EYS: variants seen among roughly 807,000 people sequenced by gnomAD.
EYS encodes the protein EGF-like photoreceptor maintenance factor, also known as protein eyes shut homolog.
A neutral mutation model predicts 282.1 loss-of-function variants in EYS; 250 were observed. That is an observed-to-expected ratio of 0.89 (90% confidence interval 0.80 to 0.98). The LOEUF is 0.98. Ranked by LOEUF, EYS falls within the 50% of genes least tolerant of loss-of-function variation. The pLI is 0.00. For missense variants in EYS, 4,016 were observed against 3,709.0 expected, an observed-to-expected ratio of 1.08 and a Z score of -2.15; for synonymous variants, 1,355 against 1,282.9, an observed-to-expected ratio of 1.06 and a Z score of -1.20.
intron 19 of EYS, among the ~76,000 whole-genome samples, chr6:64,846,227 T>C (rs1765708902): frequency 6.6e-6 from 1 of 152,142 alleles, no homozygotes; most frequent in Admixed American, 6.6e-5. Context: ...AATAATTATG[T>C]CAAGCCTTTC....
chr6:64,181,868 C>T (rs759295782), intron 31 of EYS, among the ~76,000 whole-genome samples: 2 of 151,830 alleles, frequency 1.3e-5, no homozygotes, highest in Non-Finnish European at 2.9e-5. Flanking sequence ...CATTTTTGTT[C>T]GAAATATTAT....
chr6:64,075,324 A>G (rs534183172), intron 32 of EYS, among the ~76,000 whole-genome samples: 45 of 152,084 alleles, frequency 3.0e-4, no homozygotes, highest in African/African-American at 1.0e-3. Flanking sequence ...GGAGAACTGA[A>G]GGATCATGGC....
intron 5 of EYS, among the ~76,000 whole-genome samples, chr6:65,420,779 G>C (rs1405304752): frequency 6.6e-6 from 1 of 151,884 alleles, no homozygotes; most frequent in Non-Finnish European, 1.5e-5. Context: ...CATGTTAGCA[G>C]TTATGAAAAC....
At chr6:64,926,214 C>A (rs1290104559) in intron 15 of EYS, among the ~76,000 whole-genome samples, 1 of 152,162 alleles carries the variant, frequency 6.6e-6, no homozygotes, top group Non-Finnish European at 1.5e-5. Flanking sequence ...AAGTACTGTG[C>A]CTGTGGCTGG....
Position 63,721,326 on chromosome 6 carries a change from A to G in EYS, c.8705T>C (p.Leu2902Ser). Residue 2902 changes from leucine (L) to serine (S), a missense_variant, in exon 43 of 43, where the codon TTG (leucine) becomes TCG (serine). Coordinates refer to ENST00000503581, the MANE Select transcript of EYS (RefSeq NM_001142800.2). ...VNGTTFSCRC[L>S]PDWAGNTCNQ... is the part of the protein sequence containing the mutation. The stretch of plus-strand genomic sequence containing the variant: ...ACATGTATTTCCAGCCCAATCTGGC[A>G]AACATCTGCAAGAAAAAGTTGTGCC... The G allele has an allele frequency of 6.4e-7, 1 of 1,552,022 alleles. No homozygotes were observed. Among genetic ancestry groups the G allele is most frequent in the Non-Finnish European group, 8.7e-7 (1 of 1,147,008 alleles).
intron 24 of EYS, among the ~76,000 whole-genome samples, chr6:64,600,953 T>C (rs186868864): frequency 1.3e-5 from 2 of 152,232 alleles, no homozygotes; most frequent in East Asian, 1.9e-4. Context: ...ACTGTTATAG[T>C]GAAATTCCAG....
intron 22 of EYS, among the ~76,000 whole-genome samples, chr6:64,657,423 T>C (rs1277135978): frequency 6.6e-6 from 1 of 152,184 alleles, no homozygotes; most frequent in Non-Finnish European, 1.5e-5. Flanking sequence ...ATTTTGCTCA[T>C]TAGTTGATGC....
chr6:65,688,381 T>C (rs1769110243), intron 1 of EYS, among the ~76,000 whole-genome samples: 1 of 152,168 alleles, frequency 6.6e-6, no homozygotes, highest in African/African-American at 2.4e-5. Flanking sequence ...GCTGGCCATA[T>C]GTAGAAAGCT....
intron 22 of EYS, among the ~76,000 whole-genome samples, chr6:64,701,852 T>C (rs541839885): frequency 8.5e-5 from 13 of 152,082 alleles, no homozygotes; most frequent in African/African-American, 2.4e-4. Flanking sequence ...AAAAATAAAT[T>C]GAAAAAAATA....
In EYS at chr6:65,455,608, G is replaced by T. The variant is rs371568228; in HGVS notation, c.862+34986C>A. Reference sequence around the variant, plus strand: ...CACAGAAATACAAAAGGAGATGTGAGAGTATTAAGAACAACTATATGCCAA... The same window carrying T: ...CACAGAAATACAAAAGGAGATGTGATAGTATTAAGAACAACTATATGCCAA... On this transcript the variant is annotated intron_variant, in intron 5 of 42. Transcript: ENST00000503581. Among the ~76,000 whole-genome samples the T allele has an allele frequency of 4.6e-5, 7 of 152,208 alleles. No homozygotes were observed. In the East Asian group the frequency reaches 1.4e-3, roughly 29 times the overall value.
At chr6:64,687,478 C>G (rs1051533173) in intron 22 of EYS, among the ~76,000 whole-genome samples, 1 of 152,062 alleles carries the variant, frequency 6.6e-6, no homozygotes, top group Non-Finnish European at 1.5e-5. Context: ...TTGAGATAAT[C>G]ATGTGGTTTT....
At chr6:63,957,504 G>C (rs1007416910) in intron 35 of EYS, among the ~76,000 whole-genome samples, 1 of 141,106 alleles carries the variant, frequency 7.1e-6, no homozygotes, top group African/African-American at 2.4e-5. Flanking sequence ...AAATATTGTA[G>C]AGTAATTGTA....
At chr6:64,547,524 G>A (rs1180386971) in intron 26 of EYS, among the ~76,000 whole-genome samples, 1 of 152,202 alleles carries the variant, frequency 6.6e-6, no homozygotes, top group Non-Finnish European at 1.5e-5. Context: ...CAAACCCTGA[G>A]CTAGACACAG....
chr6:65,090,232 C>A (rs1159865559), intron 12 of EYS, among the ~76,000 whole-genome samples: 2 of 152,028 alleles, frequency 1.3e-5, no homozygotes, highest in African/African-American at 4.8e-5. Context: ...TTACCCCTTG[C>A]AATTGTCATG....
intron 2 of EYS, among the ~76,000 whole-genome samples, chr6:65,519,844 G>A (rs1767297277): frequency 2.1e-5 from 3 of 145,850 alleles, no homozygotes; most frequent in Non-Finnish European, 4.5e-5. Flanking sequence ...AACCTCCTGA[G>A]TAGCTAGGAT....
At chr6:64,295,566 AAAG>A (rs1768941809) in intron 30 of EYS, among the ~76,000 whole-genome samples, 1 of 12,974 alleles carries the variant, frequency 7.7e-5, no homozygotes, top group African/African-American at 4.8e-4. Context: ...AAGAAGAAGA[AAAG>A]AAGAAGAAAA....
At chr6:65,106,420 G>T (rs188990484) in intron 12 of EYS, among the ~76,000 whole-genome samples, 6,292 of 151,982 alleles carry the variant, frequency 0.041, 172 homozygotes, top group Middle Eastern at 0.065. Context: ...GAAAACAGAT[G>T]TCTTAAATAC....
intron 31 of EYS, among the ~76,000 whole-genome samples, chr6:64,130,894 G>A (rs1773951868): frequency 6.6e-6 from 1 of 152,146 alleles, no homozygotes; most frequent in Non-Finnish European, 1.5e-5. Flanking sequence ...TTGAGAAGGA[G>A]TCTCGCTCTG....
intron 22 of EYS, among the ~76,000 whole-genome samples, chr6:64,783,055 G>A (rs564109222): frequency 5.3e-5 from 8 of 152,158 alleles, no homozygotes. Context: ...GTCCTGTCTG[G>A]GACGTGAATC....
Sources: allele counts gnomAD v4.1 joint callset (sites outside exome capture counted in the v4.1 genomes callset), GRCh38; gene constraint gnomAD v4.1.1; transcripts MANE v1.5; gene names NCBI Gene and HGNC (gene_info 2026-07-23, HGNC 2026-07-21).